The following SH3PXD2B variants were observed in gnomAD, a reference collection of about 807,000 sequenced individuals.
SH3PXD2B encodes the protein SH3 and PX domains 2B, also known as SH3 and PX domain-containing protein 2B.
Under a neutral mutation model 73.1 loss-of-function variants are expected in SH3PXD2B, and 37 were observed. The observed-to-expected ratio is 0.51, with a 90% CI of 0.39 to 0.67. The LOEUF is 0.67. Ranked by LOEUF, SH3PXD2B falls within the 30% of genes least tolerant of loss-of-function variation. The pLI is 0.00. For synonymous variants in SH3PXD2B, 457 were observed against 480.5 expected (o/e 0.95, Z 0.64); for missense variants, 1,053 against 1,197.8 (o/e 0.88, Z 1.78).
intron 1 of SH3PXD2B, among the ~76,000 whole-genome samples, chr5:172,450,704 G>A (rs1053166362): frequency 2.6e-5 from 4 of 151,916 alleles, no homozygotes; most frequent in African/African-American, 7.3e-5. Flanking sequence ...TCTCCAGTGC[G>A]GGAAATGGGG....
At chr5:172,366,472 TG>T (rs1252596231) in intron 6 of SH3PXD2B, among the ~76,000 whole-genome samples, 1 of 152,188 alleles carries the variant, frequency 6.6e-6, no homozygotes, top group Non-Finnish European at 1.5e-5. Context: ...CTGGTGCACC[TG>T]CAAAGCACAA....
rs747754861 is a variant in SH3PXD2B at position 172,339,051 on chromosome 5, C to G, written c.2054G>C (p.Gly685Ala). ...GTCTTGGCCCCCTACTGCCTGGGGGCCCTCCCCATCCAACAAGGACTTGTC... is the reference window on the plus strand; with the variant it reads ...GTCTTGGCCCCCTACTGCCTGGGGGGCCTCCCCATCCAACAAGGACTTGTC... ...SQDKSLLDGE[G>A]PQAVGGQDVA... Residue 685 changes from glycine to alanine, a missense_variant, in exon 13 of 13, where the codon GGC (glycine) becomes GCC (alanine). Gly to Ala is a moderately conservative substitution (Grantham distance 60). Coordinates refer to ENST00000311601, the MANE Select transcript of SH3PXD2B (RefSeq NM_001017995.3). This position sits in a 1 kb window ranked among gnomAD's most constrained non-coding sequence, Gnocchi z 6.1. The G allele has an allele frequency of 6.2e-7, 1 of 1,614,204 alleles. No individual in the cohort carries two copies. Among genetic ancestry groups the G allele is most frequent in the South Asian group, 1.1e-5 (1 of 91,088 alleles).
intron 2 of SH3PXD2B, among the ~76,000 whole-genome samples, chr5:172,415,578 A>AT (rs1406561822): frequency 6.6e-6 from 1 of 152,190 alleles, no homozygotes; most frequent in African/African-American, 2.4e-5. Context: ...TACTGACCTC[A>AT]TGCCTGTGAG....
At chr5:172,349,380 C>T (rs1757104560) in intron 10 of SH3PXD2B, among the ~76,000 whole-genome samples, 1 of 152,228 alleles carries the variant, frequency 6.6e-6, no homozygotes, top group South Asian at 2.1e-4. Context: ...TCCTGGGCAC[C>T]AGCGTGCCCA....
Position 172,339,158 on chromosome 5 carries a change from G to A in SH3PXD2B, c.1947C>T (p.Ser649=). The change falls in exon 13 of 13, where the codon TCC becomes TCT. Residue 649 remains serine (S), a synonymous_variant. Transcript: ENST00000311601. This position sits in a 1 kb window ranked among gnomAD's most constrained non-coding sequence, Gnocchi z 6.1. ...CGCCCTGAGGTGGCTCCGTTTTGGG[G>A]GAAGGAGCTGGTTTTGGCCTAACCT... ...RPQVRPKPAP[S]PKTEPPQGED... is the part of the protein sequence containing the mutation. 6.2e-7 allele frequency: 1 copy of A among 1,614,220 alleles called. No homozygotes were observed. The highest frequency in any genetic ancestry group is 8.5e-7 in the Non-Finnish European group (1 of 1,180,046).
chr5:172,390,525 A>G (rs2113390289), intron 4 of SH3PXD2B, among the ~76,000 whole-genome samples: 1 of 152,060 alleles, frequency 6.6e-6, no homozygotes, highest in African/African-American at 2.4e-5. Flanking sequence ...CTGGGAGTGC[A>G]GGCTCAAGCC....
chr5:172,442,663 T>G (rs1360470105), intron 1 of SH3PXD2B, among the ~76,000 whole-genome samples: 6 of 152,244 alleles, frequency 3.9e-5, no homozygotes, highest in Non-Finnish European at 8.8e-5. Context: ...TCACATCATT[T>G]GAGGTTGCTT....
Position 172,397,335 on chromosome 5 carries a change from C to T in SH3PXD2B, c.233-2696G>A, listed in dbSNP as rs561366681. On this transcript the variant is annotated intron_variant, in intron 3 of 12. Transcript: ENST00000311601. ...GGTGTTATCAATGACAATGCATGCC[C>T]GAAACTTCATTAGCAATTTAAATTT... is the stretch of plus-strand genomic sequence containing the variant. Among the ~76,000 whole-genome samples, 30 of 152,240 alleles carry T rather than the reference C, an allele frequency of 2.0e-4. 2 individuals are homozygous for T. The South Asian group carries it at 5.8e-3, about 29-fold the overall frequency.
At chr5:172,396,616 CTTT>C (rs34169390) in intron 3 of SH3PXD2B, among the ~76,000 whole-genome samples, 72 of 126,480 alleles carry the variant, frequency 5.7e-4, no homozygotes, top group African/African-American at 1.1e-3. Context: ...GAGAGAAAGC[CTTT>C]TTTTTTTTTT....
intron 12 of SH3PXD2B, among the ~76,000 whole-genome samples, chr5:172,327,901 T>TGTG (rs771214089): frequency 9.9e-5 from 15 of 152,062 alleles, no homozygotes; most frequent in Non-Finnish European, 1.8e-4. Flanking sequence ...ATTACAAGCA[T>TGTG]GTGGCACCAT....
In SH3PXD2B at chr5:172,354,025, C is replaced by T. The variant is rs186378298; in HGVS notation, c.668-20G>A. On this transcript the variant is annotated intron_variant, in intron 8 of 12. Coordinates refer to ENST00000311601, the MANE Select transcript of SH3PXD2B (RefSeq NM_001017995.3). ...TCTCCTCTGTGGGGACAAAAGGAAGCTGGGGTCAGAAGAGGACACCAAGAG... is the reference window on the plus strand; with the variant it reads ...TCTCCTCTGTGGGGACAAAAGGAAGTTGGGGTCAGAAGAGGACACCAAGAG... 6.2e-7 allele frequency: 1 copy of T among 1,609,964 alleles called. No homozygotes were observed. Among genetic ancestry groups the T allele is most frequent in the African/African-American group, 1.3e-5 (1 of 74,936 alleles).
intron 12 of SH3PXD2B, among the ~76,000 whole-genome samples, chr5:172,326,187 G>A (rs1157117309): frequency 2.0e-5 from 3 of 152,208 alleles, no homozygotes; most frequent in Admixed American, 2.0e-4. Context: ...TTACTCCGCT[G>A]AGGATAGTAA....
chr5:172,401,204 T>C (rs10071551), intron 3 of SH3PXD2B, among the ~76,000 whole-genome samples: 72,928 of 152,088 alleles, frequency 0.48, 18,477 homozygotes, highest in East Asian at 0.69. Flanking sequence ...AAATGCAGTG[T>C]GATTGGAATA....
At chr5:172,420,965 T>C (rs1758952504) in intron 2 of SH3PXD2B, among the ~76,000 whole-genome samples, 1 of 152,132 alleles carries the variant, frequency 6.6e-6, no homozygotes, top group South Asian at 2.1e-4. Context: ...CTGGGAGATA[T>C]ATTCTCCTAG....
chr5:172,420,613 C>G (rs367925440), intron 2 of SH3PXD2B, among the ~76,000 whole-genome samples: 1 of 152,164 alleles, frequency 6.6e-6, no homozygotes, highest in African/African-American at 2.4e-5. Flanking sequence ...CACCTCTGTT[C>G]GCGGCAGTTT....
At chr5:172,346,321 CAG>C (rs1427939224) in intron 11 of SH3PXD2B, 60 bp from the exon 12 acceptor site, 46 of 1,610,050 alleles carry the variant, frequency 2.9e-5, no homozygotes, top group Middle Eastern at 1.6e-4. Flanking sequence ...GACCCTGTGT[CAG>C]GGGGAGTCTA....
intron 2 of SH3PXD2B, among the ~76,000 whole-genome samples, chr5:172,419,237 CCA>C (rs1398846718): frequency 3.3e-5 from 5 of 152,162 alleles, no homozygotes; most frequent in Non-Finnish European, 5.9e-5. Flanking sequence ...CTCAGAGAAC[CCA>C]GTCCACCTTG....
At chr5:172,389,568 C>CAAAAAAA (rs34351709) in intron 4 of SH3PXD2B, among the ~76,000 whole-genome samples, 3 of 103,578 alleles carry the variant, frequency 2.9e-5, no homozygotes, top group South Asian at 3.7e-4. Context: ...TCATCTCTAC[C>CAAAAAAA]AAAAAAAAAA....
intron 1 of SH3PXD2B, among the ~76,000 whole-genome samples, chr5:172,434,696 C>A (rs149046145): frequency 1.3e-5 from 2 of 152,012 alleles, no homozygotes; most frequent in African/African-American, 4.8e-5. Context: ...AAATTCCTGG[C>A]TGGCATTAAT....
Sources: gnomAD v4.1 joint callset for allele counts (sites outside exome capture counted in the v4.1 genomes callset) on GRCh38, gnomAD v4.1.1 for gene constraint, Gnocchi (gnomAD v3.1) non-coding constraint, MANE v1.5 for transcripts, NCBI Gene and HGNC (gene_info 2026-07-23, HGNC 2026-07-21) for gene names.